CDH12: variants seen among roughly 807,000 people sequenced by gnomAD.
The protein encoded by CDH12 is cadherin-12.
Under a neutral mutation model 74.1 loss-of-function variants are expected in CDH12, and 41 were observed. The observed-to-expected ratio is 0.55, with a 90% CI of 0.43 to 0.72. The LOEUF is 0.72. CDH12 is among the 30% of genes least tolerant of loss of function. The probability of loss-of-function intolerance (pLI) is 0.00; values close to 1 mark genes in which losing one functional copy is unlikely to be tolerated. For synonymous variants in CDH12, 399 were observed against 355.0 expected, an observed-to-expected ratio of 1.12 and a Z score of -1.39; for missense variants, 945 against 977.2, an observed-to-expected ratio of 0.97 and a Z score of 0.44.
intron 6 of CDH12, among the ~76,000 whole-genome samples, chr5:21,946,247 T>C (rs1755573730): frequency 6.6e-6 from 1 of 152,106 alleles, no homozygotes; most frequent in Non-Finnish European, 1.5e-5. Context: ...CTAACAAACT[T>C]ACCTTTAAAG....
intron 6 of CDH12, among the ~76,000 whole-genome samples, chr5:21,937,313 A>C (rs1425789504): frequency 6.6e-6 from 1 of 152,138 alleles, no homozygotes; most frequent in East Asian, 1.9e-4. Flanking sequence ...GTGTGATTAT[A>C]TTTGCTTTTT....
chr5:22,227,783 T>C (rs1752245117), intron 3 of CDH12, among the ~76,000 whole-genome samples: 1 of 152,162 alleles, frequency 6.6e-6, no homozygotes. Context: ...GTGGCCATAA[T>C]GGCGCCAGGA....
intron 1 of CDH12, among the ~76,000 whole-genome samples, chr5:22,589,023 T>C (rs1740548857): frequency 6.6e-6 from 1 of 152,204 alleles, no homozygotes; most frequent in Non-Finnish European, 1.5e-5. Flanking sequence ...AAGTCTTTCA[T>C]ACCTTTCTCT....
At chr5:22,162,889 G>A (rs1335017832) in intron 4 of CDH12, among the ~76,000 whole-genome samples, 1 of 115,472 alleles carries the variant, frequency 8.7e-6, no homozygotes, top group African/African-American at 3.2e-5. Context: ...TCTTCCCTCT[G>A]ACTTTTTTTT....
At chr5:22,800,952 G>C (rs1272479264) in intron 1 of CDH12, among the ~76,000 whole-genome samples, 1 of 151,994 alleles carries the variant, frequency 6.6e-6, no homozygotes, top group Non-Finnish European at 1.5e-5. Context: ...TCCACTGAAG[G>C]ATGTCCTGGT....
Position 22,369,458 on chromosome 5 carries a change from A to G in CDH12, c.-333+35799T>C, listed in dbSNP as rs187840125. Among the ~76,000 whole-genome samples, 65 of 152,288 alleles carry G rather than the reference A, an allele frequency of 4.3e-4. 2 individuals are homozygous for G. In the East Asian group the frequency reaches 0.011, roughly 25 times the overall value. ...AAAGTGTCACCCAAAAGAGACCACC[A>G]TATTTAATTCCCTGAACAACAAGGT... On this transcript the variant is annotated intron_variant, in intron 3 of 14. Transcript: ENST00000382254.
intron 4 of CDH12, among the ~76,000 whole-genome samples, chr5:22,099,195 C>T (rs1743990033): frequency 6.6e-6 from 1 of 152,104 alleles, no homozygotes; most frequent in South Asian, 2.1e-4. Flanking sequence ...CTTCCCTTCT[C>T]TCAGACATAA....
chr5:22,069,474 A>G (rs1480358784), intron 5 of CDH12, among the ~76,000 whole-genome samples: 1 of 152,192 alleles, frequency 6.6e-6, no homozygotes, highest in East Asian at 1.9e-4. Context: ...GGTAGAAATG[A>G]GTGTGATACC....
At position 22,528,994 on chromosome 5, in the gene CDH12, G is replaced by C. The variant is rs1580736043; in HGVS notation, c.-522-23630C>G. Among the ~76,000 whole-genome samples, 4 of 109,910 alleles carry C rather than the reference G, an allele frequency of 3.6e-5. No homozygotes were observed. In the South Asian group the frequency reaches 8.1e-4, roughly 22 times the overall value. 72.1% of individuals were successfully genotyped at this position (109,910 alleles called of 152,430 possible). A position where few individuals can be genotyped will look rare whatever the true frequency, so the allele number is the denominator to read the frequency against. On this transcript the variant is annotated intron_variant, in intron 1 of 14. Transcript: ENST00000382254. Reference sequence around the variant, plus strand: ...AATCTATATTAGGCAGGGTTCCCCAGGGAAACAGAACCAATAGAATGTGTG... The same window carrying C: ...AATCTATATTAGGCAGGGTTCCCCACGGAAACAGAACCAATAGAATGTGTG...
intron 3 of CDH12, among the ~76,000 whole-genome samples, chr5:22,358,871 A>G (rs1740677040): frequency 6.6e-6 from 1 of 152,168 alleles, no homozygotes; most frequent in African/African-American, 2.4e-5. Context: ...CCTAACTACA[A>G]AGTAGCTGTT....
At chr5:22,384,543 AAAAG>A in intron 3 of CDH12, among the ~76,000 whole-genome samples, 2 of 149,792 alleles carry the variant, frequency 1.3e-5, no homozygotes, top group African/African-American at 2.4e-5. Context: ...AAAAAAAAGA[AAAAG>A]AAAAAGAAAA....
chr5:21,754,370 G>T (rs1200023960), intron 14 of CDH12, among the ~76,000 whole-genome samples: 1 of 152,108 alleles, frequency 6.6e-6, no homozygotes, highest in Non-Finnish European at 1.5e-5. Flanking sequence ...TACTTCATTT[G>T]ATGTTAAACA....
At chr5:21,828,255 C>T (rs533609604) in intron 8 of CDH12, among the ~76,000 whole-genome samples, 2 of 151,794 alleles carry the variant, frequency 1.3e-5, no homozygotes, top group Admixed American at 6.6e-5. Context: ...CCCAAGTAGC[C>T]GGGGCTACAG....
intron 13 of CDH12, 100 bp from the exon 14 acceptor site, chr5:21,755,942 G>A: frequency 1.5e-5 from 16 of 1,078,278 alleles, no homozygotes; most frequent in South Asian, 3.5e-5. Flanking sequence ...TCTTGAATCA[G>A]GAAAATGGAT....
chr5:22,142,368 G>C, intron 4 of CDH12: 1 of 462,394 alleles, frequency 2.2e-6, no homozygotes, highest in Non-Finnish European at 4.2e-6. Flanking sequence ...TAGAACAATG[G>C]GATTATGCTG....
rs114042191 is a variant in CDH12 at position 22,091,509 on chromosome 5, T to A, written c.-186-12647A>T. On this transcript the variant is annotated intron_variant, in intron 4 of 14. Coordinates refer to ENST00000382254, the MANE Select transcript of CDH12 (RefSeq NM_004061.5). ...TTAGATCAAAACCTAACAAAAGAAG[T>A]GAAAAATGCATATGCTGAAAACCAC... 5.7e-3 allele frequency among the ~76,000 whole-genome samples: 866 copies of A among 151,794 alleles called. 6 individuals are homozygous for A. The highest frequency in any genetic ancestry group is 0.02 in the African/African-American group (828 of 41,448).
At chr5:22,422,869 C>T (rs978099790) in intron 2 of CDH12, among the ~76,000 whole-genome samples, 3 of 152,056 alleles carry the variant, frequency 2.0e-5, no homozygotes, top group Non-Finnish European at 1.5e-5. Context: ...TGCTGTAATT[C>T]GGATTGGAAC....
intron 1 of CDH12, among the ~76,000 whole-genome samples, chr5:22,562,315 T>TCAAAAA (rs1204345567): frequency 1.4e-5 from 2 of 147,458 alleles, no homozygotes; most frequent in African/African-American, 2.5e-5. Flanking sequence ...AGACTCCGTC[T>TCAAAAA]CAAAAACAAA....
At chr5:22,742,135 T>C (rs1745057738) in intron 1 of CDH12, among the ~76,000 whole-genome samples, 1 of 151,392 alleles carries the variant, frequency 6.6e-6, no homozygotes, top group South Asian at 2.1e-4. Context: ...TGAGCTGAGA[T>C]TGTGCCACTG....
Sources: allele counts gnomAD v4.1 joint callset (sites outside exome capture counted in the v4.1 genomes callset), GRCh38; gene constraint gnomAD v4.1.1; transcripts MANE v1.5; gene names NCBI Gene and HGNC (gene_info 2026-07-23, HGNC 2026-07-21).